The following ACVR1 variants were observed in gnomAD, a reference collection of about 807,000 sequenced individuals.
ACVR1 encodes the protein activin A receptor type 1, also known as activin receptor type-1.
In ACVR1, 38 loss-of-function variants were observed where a neutral mutation model predicts 57.1. The ratio of observed to expected loss-of-function variants is 0.67; its 90% CI spans 0.51 to 0.87. The LOEUF (loss-of-function observed/expected upper bound fraction) is 0.87. ACVR1 is among the 40% of genes least tolerant of loss of function. ACVR1 has a pLI of 0.00. For missense variants in ACVR1, 463 were observed against 638.2 expected (o/e 0.73, Z 2.96); for synonymous variants, 212 against 228.1 (o/e 0.93, Z 0.63).
intron 3 of ACVR1, among the ~76,000 whole-genome samples, chr2:157,784,367 G>A (rs139470288): frequency 4.6e-5 from 7 of 152,330 alleles, no homozygotes; most frequent in Admixed American, 1.3e-4. Context: ...AGGAAGCACC[G>A]TATCTGATGT....
intron 3 of ACVR1, among the ~76,000 whole-genome samples, chr2:157,797,087 T>C (rs1255099643): frequency 6.6e-6 from 1 of 152,240 alleles, no homozygotes; most frequent in African/African-American, 2.4e-5. Context: ...ATTTTTATTG[T>C]CTTCAAAATC....
chr2:157,857,944 T>G (rs1251947625), intron 1 of ACVR1, among the ~76,000 whole-genome samples: 2 of 152,178 alleles, frequency 1.3e-5, no homozygotes, highest in East Asian at 3.9e-4. Flanking sequence ...TGACATAACT[T>G]CCATGAGTAA....
In ACVR1 at chr2:157,838,756, C is replaced by T. The variant is rs757255176; in HGVS notation, c.-182-20197G>A. ...TTCCTCTCCTCTGCTTGCTGCATGG[C>T]TCTTCCAAGTATGTACATCTGGGGA... On this transcript the variant is annotated intron_variant, in intron 1 of 10. Transcript: ENST00000434821. Among the ~76,000 whole-genome samples, 6 of 152,146 alleles carry T rather than the reference C, an allele frequency of 3.9e-5. 1 individual carries two copies. Among genetic ancestry groups the T allele is most frequent in the Non-Finnish European group, 7.4e-5 (5 of 68,026 alleles).
Position 157,775,577 on chromosome 2 carries a change from A to G in ACVR1, c.544-1390T>C, listed in dbSNP as rs535555326. ...TGATCGGCAAAATTACCAAAAGCTG[A>G]GCATCCAACGGAAGAAATTTAGAAC... is the stretch of plus-strand genomic sequence containing the variant. On this transcript the variant is annotated intron_variant, in intron 5 of 10. Coordinates refer to ENST00000434821, the MANE Select transcript of ACVR1 (RefSeq NM_001111067.4). Among the ~76,000 whole-genome samples the G allele has an allele frequency of 3.3e-5, 5 of 152,332 alleles. No homozygotes were observed. The East Asian group carries it at 9.6e-4, about 29-fold the overall frequency.
chr2:157,752,611 A>C (rs1051820317), intron 9 of ACVR1, among the ~76,000 whole-genome samples: 1 of 152,194 alleles, frequency 6.6e-6, no homozygotes, highest in Non-Finnish European at 1.5e-5. Context: ...CAGAGACCCC[A>C]CAAGCTAGAA....
chr2:157,861,071 C>T (rs1054076333), intron 1 of ACVR1, among the ~76,000 whole-genome samples: 2 of 152,224 alleles, frequency 1.3e-5, no homozygotes, highest in African/African-American at 4.8e-5. Flanking sequence ...CACCTGACAA[C>T]ATCCTACTTA....
Position 157,830,756 on chromosome 2 carries a change from A to AT in ACVR1, c.-182-12198dup, listed in dbSNP as rs796072885. On this transcript the variant is annotated intron_variant, in intron 1 of 10. Coordinates refer to ENST00000434821, the MANE Select transcript of ACVR1 (RefSeq NM_001111067.4). Reference sequence around the variant, plus strand: ...ACCAAAAAAAAAAAAAAAAAATGTAATTTTTTCCCAGAGAATTATTCCCAA... The same window carrying AT: ...ACCAAAAAAAAAAAAAAAAAATGTAATTTTTTTCCCAGAGAATTATTCCCAA... 9.3e-4 allele frequency among the ~76,000 whole-genome samples: 140 copies of AT among 150,150 alleles called. No homozygotes were observed. The East Asian group carries it at 0.022, about 24-fold the overall frequency.
At position 157,859,369 on chromosome 2, in the gene ACVR1, C is replaced by A. The variant is rs188573234; in HGVS notation, c.-183+16427G>T. On this transcript the variant is annotated intron_variant, in intron 1 of 10. Transcript: ENST00000434821. ...AAAAAGGGGAGACATCAATAATCCA[C>A]CCCTTGTTTAAAAAATAATTCGGAA... Among the ~76,000 whole-genome samples, 182 of 152,320 alleles carry A rather than the reference C, an allele frequency of 1.2e-3. 1 individual carries two copies. Among genetic ancestry groups the A allele is most frequent in the Admixed American group, 3.8e-3 (58 of 15,300 alleles).
chr2:157,856,301 C>A (rs1689532269), intron 1 of ACVR1, among the ~76,000 whole-genome samples: 1 of 152,182 alleles, frequency 6.6e-6, no homozygotes, highest in African/African-American at 2.4e-5. Flanking sequence ...TTTCCAGTTT[C>A]CCCTGAGCAA....
At chr2:157,754,902 T>A (rs1172434725) in intron 9 of ACVR1, among the ~76,000 whole-genome samples, 2 of 152,066 alleles carry the variant, frequency 1.3e-5, no homozygotes, top group Non-Finnish European at 2.9e-5. Context: ...ATCAAAAAAA[T>A]AATCCACCAT....
At chr2:157,791,127 T>C (rs1014535838) in intron 3 of ACVR1, among the ~76,000 whole-genome samples, 1 of 152,208 alleles carries the variant, frequency 6.6e-6, no homozygotes, top group Non-Finnish European at 1.5e-5. Flanking sequence ...AATGCAGGCC[T>C]TTCCTGTCCA....
At chr2:157,763,303 T>C (rs530342421) in intron 8 of ACVR1, among the ~76,000 whole-genome samples, 5 of 152,288 alleles carry the variant, frequency 3.3e-5, no homozygotes, top group East Asian at 3.9e-4. Context: ...TTCAAATGGA[T>C]TGGCAAAAAT....
intron 3 of ACVR1, among the ~76,000 whole-genome samples, chr2:157,793,795 T>TC (rs1037668186): frequency 2.0e-5 from 3 of 152,042 alleles, no homozygotes; most frequent in African/African-American, 7.3e-5. Context: ...ATTCTATTCT[T>TC]CCCCCCAGCA....
At chr2:157,820,565 ACTCT>A (rs1006813363) in intron 1 of ACVR1, among the ~76,000 whole-genome samples, 13 of 148,226 alleles carry the variant, frequency 8.8e-5, no homozygotes, top group Non-Finnish European at 1.5e-4. Context: ...AAAATCAGAG[ACTCT>A]CTCTCTTTTT....
chr2:157,780,471 T>C lies in ACVR1; in HGVS notation c.197A>G (p.Tyr66Cys). 1 of 1,614,128 alleles carries C rather than the reference T, an allele frequency of 6.2e-7. No individual in the cohort carries two copies. The highest frequency in any genetic ancestry group is 1.1e-5 in the South Asian group (1 of 91,074). The change falls in exon 4 of 11, where the codon TAC becomes TGC. Residue 66 changes from tyrosine (Y) to cysteine (C), a missense_variant. This residue lies in a region of ACVR1 where 203 missense variants were observed against 235.5 expected (regional missense o/e 0.86). Transcript: ENST00000434821. The part of the protein sequence containing the change: ...SLSINDGFHV[Y>C]QKGCFQVYEQ... ...ATAAACCTGGAAGCAGCCTTTCTGGTAGACGTGGAAGCCATCGTTGATGCT... is the reference window on the plus strand; with the variant it reads ...ATAAACCTGGAAGCAGCCTTTCTGGCAGACGTGGAAGCCATCGTTGATGCT...
intron 3 of ACVR1, among the ~76,000 whole-genome samples, chr2:157,786,266 A>T (rs1686707681): frequency 6.6e-6 from 1 of 152,214 alleles, no homozygotes; most frequent in Non-Finnish European, 1.5e-5. Context: ...AAGCACCATG[A>T]GGGTGAGTTG....
chr2:157,815,092 A>T, intron 2 of ACVR1, among the ~76,000 whole-genome samples: 1 of 152,222 alleles, frequency 6.6e-6, no homozygotes, highest in East Asian at 1.9e-4. Flanking sequence ...CCGTCTCAAA[A>T]AAATAAATAA....
chr2:157,750,978 C>T (rs964016888), intron 9 of ACVR1, among the ~76,000 whole-genome samples: 2 of 151,874 alleles, frequency 1.3e-5, no homozygotes, highest in African/African-American at 4.8e-5. Flanking sequence ...CTTAGATGGA[C>T]AGAGCAACGT....
chr2:157,858,865 T>A (rs1478862510), intron 1 of ACVR1, among the ~76,000 whole-genome samples: 1 of 152,142 alleles, frequency 6.6e-6, no homozygotes, highest in Non-Finnish European at 1.5e-5. Flanking sequence ...GCAATCCTCC[T>A]GCTTCGGCCT....
Sources: allele counts gnomAD v4.1 joint callset (sites outside exome capture counted in the v4.1 genomes callset), GRCh38; gene constraint gnomAD v4.1.1; regional missense constraint gnomAD v4.1.1; transcripts MANE v1.5; gene names NCBI Gene and HGNC (gene_info 2026-07-23, HGNC 2026-07-21).